MIR2052HG: variants seen among roughly 807,000 people sequenced by gnomAD.
MIR2052HG encodes MIR2052 host gene.
intron 2 of MIR2052HG, among the ~76,000 whole-genome samples, chr8:74,696,235 A>G (rs1482339028): frequency 6.6e-6 from 1 of 152,182 alleles, no homozygotes; most frequent in Non-Finnish European, 1.5e-5. Context: ...TGGATCAATA[A>G]TAAATTCAAG....
chr8:74,722,134 G>A (rs1288138340), intron 4 of MIR2052HG, among the ~76,000 whole-genome samples: 2 of 152,094 alleles, frequency 1.3e-5, no homozygotes, highest in African/African-American at 4.8e-5. Context: ...CCATGATCAT[G>A]CCACTGCACT....
chr8:74,720,500 C>G (rs779367897), intron 4 of MIR2052HG, among the ~76,000 whole-genome samples: 1 of 152,032 alleles, frequency 6.6e-6, no homozygotes, highest in Non-Finnish European at 1.5e-5. Flanking sequence ...ACATATTTGT[C>G]AAATGATCTG....
At chr8:74,748,047 C>A (rs1023049276) in intron 4 of MIR2052HG, among the ~76,000 whole-genome samples, 1 of 152,086 alleles carries the variant, frequency 6.6e-6, no homozygotes, top group Non-Finnish European at 1.5e-5. Flanking sequence ...GATTCTTAAC[C>A]AAATAAGTAA....
chr8:74,692,065 T>G (rs1423121581), intron 2 of MIR2052HG, among the ~76,000 whole-genome samples: 1 of 152,128 alleles, frequency 6.6e-6, no homozygotes, highest in Non-Finnish European at 1.5e-5. Context: ...GGTAAAAATA[T>G]TTTGAATTAA....
chr8:74,716,437 T>G (rs269186), intron 4 of MIR2052HG, among the ~76,000 whole-genome samples: 99,142 of 152,072 alleles, frequency 0.65, 33,892 homozygotes, highest in African/African-American at 0.86. Context: ...CCAGGGCCGG[T>G]CACAGTGGCT....
intron 1 of MIR2052HG, chr8:74,612,573 A>G (rs917007656): frequency 1.6e-5 from 4 of 254,616 alleles, no homozygotes; most frequent in African/African-American, 6.8e-5. Flanking sequence ...TAATCTGGAA[A>G]ACCAAAATGC....
chr8:74,700,314 A>G (rs1005502573), intron 2 of MIR2052HG, among the ~76,000 whole-genome samples: 1 of 152,188 alleles, frequency 6.6e-6, no homozygotes, highest in Admixed American at 6.6e-5. Context: ...ACATAACTAA[A>G]TATAAATTTG....
intron 2 of MIR2052HG, among the ~76,000 whole-genome samples, chr8:74,659,204 A>G (rs1808836737): frequency 6.6e-6 from 1 of 152,222 alleles, no homozygotes; most frequent in East Asian, 1.9e-4. Context: ...ATGCTCATAA[A>G]GAAGACTCAA....
chr8:74,707,658 C>A (rs73687254), intron 4 of MIR2052HG, among the ~76,000 whole-genome samples: 199 of 152,068 alleles, frequency 1.3e-3, no homozygotes, highest in African/African-American at 4.6e-3. Context: ...AGTCCAGATG[C>A]TCCTGGAGTG....
In MIR2052HG at chr8:74,645,395, C is replaced by T. The variant is rs144647666; in HGVS notation, n.216+32455C>T. 7.6e-3 allele frequency among the ~76,000 whole-genome samples: 1,154 copies of T among 152,072 alleles called. 38 individuals carry two copies. In the East Asian group the frequency reaches 0.098, roughly 13 times the overall value. On this transcript the variant is annotated intron_variant and non_coding_transcript_variant, in intron 2 of 6. Coordinates refer to ENST00000523442, the Ensembl canonical transcript of MIR2052HG. ...CCGCCTCCCAGGTTCAAGCAATTCT[C>T]CTGCCTCAGCCTCATGAGTAGCTGG...
At chr8:74,725,286 T>C (rs1264346763) in intron 4 of MIR2052HG, among the ~76,000 whole-genome samples, 1 of 152,176 alleles carries the variant, frequency 6.6e-6, no homozygotes, top group Non-Finnish European at 1.5e-5. Flanking sequence ...CTGATAGCAG[T>C]ATAAAGAAGG....
At chr8:74,635,125 A>G (rs2128734719) in intron 2 of MIR2052HG, among the ~76,000 whole-genome samples, 1 of 152,284 alleles carries the variant, frequency 6.6e-6, no homozygotes, top group East Asian at 1.9e-4. Context: ...AAAGGGTATT[A>G]TGGTCTCATT....
chr8:74,653,881 T>C (rs541233391), intron 2 of MIR2052HG, among the ~76,000 whole-genome samples: 1 of 152,310 alleles, frequency 6.6e-6, no homozygotes, highest in Admixed American at 6.5e-5. Flanking sequence ...GCATGACAGA[T>C]ATAGAATTAT....
chr8:74,746,052 C>T (rs1328545319), intron 4 of MIR2052HG, among the ~76,000 whole-genome samples: 1 of 152,090 alleles, frequency 6.6e-6, no homozygotes, highest in African/African-American at 2.4e-5. Context: ...ATGTGAACAC[C>T]ATGTGATGAT....
At chr8:74,688,101 T>G (rs1809202326) in intron 2 of MIR2052HG, among the ~76,000 whole-genome samples, 1 of 152,186 alleles carries the variant, frequency 6.6e-6, no homozygotes. Context: ...TGTCTTTATG[T>G]GAGTAGTCCT....
intron 2 of MIR2052HG, among the ~76,000 whole-genome samples, chr8:74,681,070 G>T (rs2128739053): frequency 1.7e-5 from 2 of 114,604 alleles, no homozygotes; most frequent in Middle Eastern, 5.2e-3. Context: ...TTGTGGGGTG[G>T]GGGGAGGGGG....
rs1294998703 is a variant in MIR2052HG, at chr8:74,738,662, G to GT, written n.372-13772dup. 2.0e-5 allele frequency among the ~76,000 whole-genome samples: 3 copies of GT among 152,188 alleles called. No homozygotes were observed. In the South Asian group the frequency reaches 6.2e-4, roughly 32 times the overall value. ...GCTTTGTTAAAAAATCACATTAACAGTTTTTTTCTTTGTATACAGAGATTA... is the reference window on the plus strand; with the variant it reads ...GCTTTGTTAAAAAATCACATTAACAGTTTTTTTTCTTTGTATACAGAGATTA... On this transcript the variant is annotated intron_variant and non_coding_transcript_variant, in intron 4 of 6. Coordinates refer to ENST00000523442, the Ensembl canonical transcript of MIR2052HG.
chr8:74,654,084 G>A (rs888176945), intron 2 of MIR2052HG, among the ~76,000 whole-genome samples: 1 of 152,180 alleles, frequency 6.6e-6, no homozygotes, highest in Non-Finnish European at 1.5e-5. Flanking sequence ...ACTAGGAAAG[G>A]CTATGGGTGG....
chr8:74,655,201 T>G (rs1028178628), intron 2 of MIR2052HG, among the ~76,000 whole-genome samples: 1 of 152,122 alleles, frequency 6.6e-6, no homozygotes, highest in African/African-American at 2.4e-5. Context: ...TTTGGAAAAT[T>G]TGCAGCCTGA....
Sources: allele counts gnomAD v4.1 joint callset (sites outside exome capture counted in the v4.1 genomes callset), GRCh38; gene constraint gnomAD v4.1.1; transcripts MANE v1.5; gene names NCBI Gene and HGNC (gene_info 2026-07-23, HGNC 2026-07-21).